The following UBE3A variants were observed in gnomAD, a reference collection of about 807,000 sequenced individuals.
The protein encoded by UBE3A is ubiquitin protein ligase E3A, also known as ubiquitin-protein ligase E3A.
A neutral mutation model predicts 83.4 loss-of-function variants in UBE3A; 6 were observed. That is an observed-to-expected ratio of 0.07 (90% CI 0.04 to 0.14). The LOEUF (loss-of-function observed/expected upper bound fraction) is 0.14. Ranked by LOEUF, UBE3A falls within the 10% of genes least tolerant of loss-of-function variation. UBE3A has a pLI of 1.00. For synonymous variants in UBE3A, 337 were observed against 355.4 expected (o/e 0.95, Z 0.58); for missense variants, 456 against 1,036.1 (o/e 0.44, Z 7.69).
chr15:25,403,501 G>A (rs2153039508), intron 4 of UBE3A, among the ~76,000 whole-genome samples: 1 of 152,208 alleles, frequency 6.6e-6, no homozygotes, highest in South Asian at 2.1e-4. Flanking sequence ...GACCCCTTGT[G>A]CACTAGTGGT....
intron 1 of UBE3A, among the ~76,000 whole-genome samples, chr15:25,427,044 A>G (rs1338654498): frequency 6.6e-6 from 1 of 152,104 alleles, no homozygotes; most frequent in Non-Finnish European, 1.5e-5. Flanking sequence ...CCTCTGCCTT[A>G]TATTTCCGTT....
rs371296838 is a variant in UBE3A at position 25,356,051 on chromosome 15, T to C, written c.1965A>G (p.Leu655=). The C allele has an allele frequency of 2.3e-5, 37 of 1,613,606 alleles. No individual in the cohort carries two copies. The highest frequency in any genetic ancestry group is 5.3e-5 in the African/African-American group (4 of 74,908). Residue 655 remains leucine (L), a synonymous_variant, in exon 9 of 13, where the codon CTA becomes CTG. Coordinates refer to ENST00000648336, the MANE Select transcript of UBE3A (RefSeq NM_130839.5). ...CCAATAAATCTTTTAAACTCTGATATAGAACCTAGCAACCAGAAATGGTAA... is the reference window on the plus strand; with the variant it reads ...CCAATAAATCTTTTAAACTCTGATACAGAACCTAGCAACCAGAAATGGTAA... ...FRDLGDSHPV[L]YQSLKDLLEY... is the part of the protein sequence containing the mutation.
chr15:25,387,525 A>T (rs2083390135), intron 4 of UBE3A, among the ~76,000 whole-genome samples: 1 of 152,194 alleles, frequency 6.6e-6, no homozygotes, highest in South Asian at 2.1e-4. Flanking sequence ...CCATCTCAAA[A>T]AAAAAAGAAA....
intron 3 of UBE3A, 92 bp downstream of exon 3, chr15:25,408,996 T>C (rs1596290660): frequency 1.5e-6 from 2 of 1,336,962 alleles, no homozygotes; most frequent in Middle Eastern, 4.1e-4. Flanking sequence ...TTAGCAGTAT[T>C]CCTGCCAACT....
intron 4 of UBE3A, among the ~76,000 whole-genome samples, chr15:25,385,861 G>C (rs1405913488): frequency 1.3e-5 from 2 of 152,106 alleles, no homozygotes; most frequent in African/African-American, 4.8e-5. Context: ...CAATTATAGG[G>C]GGAGCCCTAC....
At chr15:25,420,348 T>C (rs149559304) in intron 1 of UBE3A, among the ~76,000 whole-genome samples, 1 of 152,106 alleles carries the variant, frequency 6.6e-6, no homozygotes, top group African/African-American at 2.4e-5. Flanking sequence ...TTTAAAGACT[T>C]TGCTTCAAAG....
chr15:25,338,276 A>G lies in UBE3A; in HGVS notation c.*861T>C, dbSNP rs1595351292. 1 of 152,042 alleles carries G rather than the reference A, an allele frequency of 6.6e-6. No individual in the cohort carries two copies. The highest frequency in any genetic ancestry group is 1.9e-4 in the East Asian group (1 of 5,200). 9.4% of individuals were successfully genotyped at this position (152,042 alleles called of 1,614,324 possible). ...CTTTGTTGCAATAGGCTTGACTACC[A>G]TTTCATTTGGCCAAATGCACTTTCC... On this transcript the variant is annotated 3_prime_UTR_variant, in exon 13 of 13. Transcript: ENST00000648336.
intron 9 of UBE3A, 82 bp downstream of exon 9, chr15:25,355,810 G>T: frequency 1.5e-6 from 2 of 1,313,542 alleles, no homozygotes; most frequent in Non-Finnish European, 2.2e-6. Flanking sequence ...GACTATATTA[G>T]ATACTTCTTT....
intron 7 of UBE3A, among the ~76,000 whole-genome samples, chr15:25,359,502 C>T (rs953072683): frequency 1.4e-5 from 2 of 147,512 alleles, no homozygotes; most frequent in Non-Finnish European, 3.0e-5. Context: ...CAATTAGAAT[C>T]AACAGGCTAT....
At chr15:25,419,441 AAT>A (rs1888625314) in intron 1 of UBE3A, 1 of 152,126 alleles carries the variant, frequency 6.6e-6, no homozygotes, top group Admixed American at 6.5e-5. Context: ...TGAAGAGTGA[AAT>A]AAAGACATTT....
Position 25,438,590 on chromosome 15 carries a change from C to G in UBE3A, c.-266G>C, listed in dbSNP as rs1895893630. The G allele has an allele frequency of 6.5e-6, 1 of 153,240 alleles. No homozygotes were observed. The allele number at this position is 153,240 out of a possible 1,614,324, so 9.5% of individuals were successfully genotyped here. A position where few individuals can be genotyped will look rare whatever the true frequency, so the allele number is the denominator to read the frequency against. ...CCACCGCCTCGTTCTCTTTCGCTGC[C>G]GCCACCGCCGGGGCTCATGCGGGAC... On this transcript the variant is annotated 5_prime_UTR_variant, in exon 1 of 13. Transcript: ENST00000648336.
chr15:25,364,106 A>C (rs913567028), intron 6 of UBE3A, among the ~76,000 whole-genome samples: 22 of 151,822 alleles, frequency 1.4e-4, no homozygotes, highest in African/African-American at 5.1e-4. Flanking sequence ...TGCGCCTGTC[A>C]TCCCAGCTAC....
At chr15:25,347,386 T>C (rs568337333) in intron 11 of UBE3A, among the ~76,000 whole-genome samples, 2 of 152,248 alleles carry the variant, frequency 1.3e-5, no homozygotes, top group South Asian at 4.1e-4. Context: ...ATACCCACAA[T>C]GACCGTGAAA....
At chr15:25,384,060 C>T (rs1449325420) in intron 4 of UBE3A, among the ~76,000 whole-genome samples, 2 of 151,780 alleles carry the variant, frequency 1.3e-5, no homozygotes, top group Admixed American at 1.3e-4. Flanking sequence ...AATGAAGAAT[C>T]CAAAAAGGAA....
intron 6 of UBE3A, among the ~76,000 whole-genome samples, chr15:25,365,679 C>T (rs937182349): frequency 4.2e-5 from 6 of 142,272 alleles, no homozygotes; most frequent in African/African-American, 1.1e-4. Flanking sequence ...ACCTGGGAGG[C>T]GGGGCTTGCA....
At chr15:25,382,751 G>A (rs182956957) in intron 4 of UBE3A, among the ~76,000 whole-genome samples, 1 of 151,884 alleles carries the variant, frequency 6.6e-6, no homozygotes, top group South Asian at 2.1e-4. Context: ...GCAACAACTG[G>A]AAATTAGAAA....
At chr15:25,380,555 A>G (rs576689005) in intron 4 of UBE3A, among the ~76,000 whole-genome samples, 112 of 152,272 alleles carry the variant, frequency 7.4e-4, no homozygotes, top group African/African-American at 2.6e-3. Flanking sequence ...AAAGAAAAGA[A>G]GAGGAGAGGG....
chr15:25,421,286 T>C (rs1390158170), intron 1 of UBE3A, among the ~76,000 whole-genome samples: 1 of 152,182 alleles, frequency 6.6e-6, no homozygotes, highest in African/African-American at 2.4e-5. Flanking sequence ...AAACTCACCA[T>C]GAGGGCTCCC....
At chr15:25,372,057 A>G (rs763748831) in intron 5 of UBE3A, among the ~76,000 whole-genome samples, 2 of 152,216 alleles carry the variant, frequency 1.3e-5, no homozygotes, top group African/African-American at 2.4e-5. Context: ...TCAACAATGT[A>G]TAACTCTTAA....
Sources: allele counts gnomAD v4.1 joint callset (sites outside exome capture counted in the v4.1 genomes callset), GRCh38; gene constraint gnomAD v4.1.1; transcripts MANE v1.5; gene names NCBI Gene and HGNC (gene_info 2026-07-23, HGNC 2026-07-21).